The following NUDT1 variants were observed in gnomAD, a reference collection of about 807,000 sequenced individuals.
The protein encoded by NUDT1 is nudix hydrolase 1.
Under a neutral mutation model 11.3 loss-of-function variants are expected in NUDT1, and 16 were observed. The ratio of observed to expected loss-of-function variants is 1.41; its 90% CI spans 0.96 to 2.15. The LOEUF is 2.15. Among genes scored for constraint, NUDT1 ranks in the 30% most tolerant of loss-of-function variants. The probability of loss-of-function intolerance (pLI) is 0.00; values close to 1 mark genes in which losing one functional copy is unlikely to be tolerated. For synonymous variants in NUDT1, 101 were observed against 84.4 expected (o/e 1.20, Z -1.08); for missense variants, 234 against 208.4 (o/e 1.12, Z -0.76).
intron 2 of NUDT1, among the ~76,000 whole-genome samples, chr7:2,247,763 C>T (rs1794827956): frequency 6.6e-6 from 1 of 152,244 alleles, no homozygotes; most frequent in African/African-American, 2.4e-5. Flanking sequence ...CCGGCGGATT[C>T]TTGATGCTTC....
At chr7:2,247,412 G>C (rs1477176553) in intron 2 of NUDT1, among the ~76,000 whole-genome samples, 1 of 152,190 alleles carries the variant, frequency 6.6e-6, no homozygotes, top group African/African-American at 2.4e-5. Context: ...CAGGCACGTA[G>C]GGAGTACTGA....
At chr7:2,244,466 C>T in intron 1 of NUDT1, 97 bp from the exon 2 acceptor site, 1 of 1,000,638 alleles carries the variant, frequency 1.0e-6, no homozygotes, top group Non-Finnish European at 1.4e-6. Context: ...CCCCGCCCCC[C>T]ACTGCCTCCC....
rs756492763 is a variant in NUDT1, at chr7:2,249,990, G to A, written c.286G>A (p.Val96Met). ...CACAGACAGCATCCAGGGGACCCCC[G>A]TGGAGAGCGACGGTGAGTCTCACAG... ...FCTDSIQGTP[V>M]ESDEMRPCWF... Residue 96 changes from valine (V) to methionine (M), a missense_variant, in exon 3 of 4, where the codon GTG becomes ATG. Transcript: ENST00000356714. 35 of 1,613,988 alleles carry A rather than the reference G, an allele frequency of 2.2e-5. No individual in the cohort carries two copies. In the Middle Eastern group the frequency reaches 4.9e-4, roughly 23 times the overall value.
intron 3 of NUDT1, among the ~76,000 whole-genome samples, chr7:2,250,421 G>A (rs910739432): frequency 6.6e-6 from 1 of 151,108 alleles, no homozygotes; most frequent in East Asian, 1.9e-4. Flanking sequence ...GCAACACAGT[G>A]AGACCCCATC....
intron 2 of NUDT1, among the ~76,000 whole-genome samples, chr7:2,249,057 G>A (rs960922032): frequency 5.3e-5 from 8 of 152,198 alleles, no homozygotes; most frequent in East Asian, 1.9e-4. Context: ...AGACTACTTC[G>A]GGGAAACCTG....
intron 3 of NUDT1, 131 bp downstream of exon 3, chr7:2,250,133 G>T: frequency 8.4e-7 from 1 of 1,183,516 alleles, no homozygotes; most frequent in Non-Finnish European, 1.2e-6. Flanking sequence ...CCACCCCACA[G>T]TGCCAGCGTG....
At chr7:2,248,689 C>T (rs1476795678) in intron 2 of NUDT1, among the ~76,000 whole-genome samples, 1 of 151,772 alleles carries the variant, frequency 6.6e-6, no homozygotes, top group Non-Finnish European at 1.5e-5. Flanking sequence ...GGAGCTGGGA[C>T]TACAGGCGAG....
intron 1 of NUDT1, chr7:2,243,131 G>T: frequency 1.6e-6 from 1 of 643,366 alleles, no homozygotes; most frequent in South Asian, 1.7e-5. Flanking sequence ...TCCATCAGTT[G>T]ATGGCCTGCT....
chr7:2,243,515 G>A (rs1794638713), intron 1 of NUDT1, among the ~76,000 whole-genome samples: 2 of 152,152 alleles, frequency 1.3e-5, no homozygotes, highest in South Asian at 4.1e-4. Context: ...GCTCACGCCT[G>A]TAATCTCAGC....
chr7:2,249,947 G>A lies in NUDT1; in HGVS notation c.243G>A (p.Met81Ile). 6.2e-7 allele frequency: 1 copy of A among 1,614,194 alleles called. No homozygotes were observed. Reference sequence around the variant, plus strand: ...AGTTCGTGGGCGAGCCTGAGCTCATGGACGTGCATGTCTTCTGCACAGACA... The same window carrying A: ...AGTTCGTGGGCGAGCCTGAGCTCATAGACGTGCATGTCTTCTGCACAGACA... ...VFEFVGEPEL[M>I]DVHVFCTDSI... is the part of the protein sequence containing the mutation. The change falls in exon 3 of 4, where the codon ATG (methionine) becomes ATA (isoleucine). Residue 81 changes from methionine (M) to isoleucine (I), a missense_variant. Transcript: ENST00000356714.
intron 1 of NUDT1, chr7:2,242,468 G>C (rs973017644): frequency 4.1e-6 from 2 of 491,480 alleles, no homozygotes; most frequent in African/African-American, 2.0e-5. Flanking sequence ...GGAGAGCGGG[G>C]CGGAGGCTTG....
At chr7:2,250,042 G>T in intron 3 of NUDT1, 40 bp downstream of exon 3, 1 of 1,607,152 alleles carries the variant, frequency 6.2e-7, no homozygotes, top group Non-Finnish European at 8.5e-7. Flanking sequence ...CCACTATGCG[G>T]GTCCCATCTC....
chr7:2,250,976 C>T lies in NUDT1; in HGVS notation c.446C>T (p.Thr149Ile). 1 of 1,613,974 alleles carries T rather than the reference C, an allele frequency of 6.2e-7. No individual in the cohort carries two copies. The highest frequency in any genetic ancestry group is 8.5e-7 in the Non-Finnish European group (1 of 1,179,942). Reference protein sequence around the residue: ...FQGQDTILDYTLREVDTV With the variant: ...FQGQDTILDYILREVDTV Reference sequence around the variant, plus strand: ...GGTCAGGACACCATCCTGGACTACACACTCCGCGAGGTGGACACGGTCTAG... The same window carrying T: ...GGTCAGGACACCATCCTGGACTACATACTCCGCGAGGTGGACACGGTCTAG... Residue 149 changes from threonine (T) to isoleucine (I), a missense_variant, in exon 4 of 4, where the codon ACA (threonine) becomes ATA (isoleucine). Coordinates refer to ENST00000356714, the MANE Select transcript of NUDT1 (RefSeq NM_002452.4).
intron 2 of NUDT1, among the ~76,000 whole-genome samples, chr7:2,246,966 TCTG>T (rs1794791227): frequency 1.3e-5 from 2 of 152,088 alleles, no homozygotes; most frequent in Non-Finnish European, 2.9e-5. Flanking sequence ...TTGGGGAGCA[TCTG>T]CAAGCATGAG....
chr7:2,243,306 A>G (rs900979668), intron 1 of NUDT1, among the ~76,000 whole-genome samples: 4 of 152,210 alleles, frequency 2.6e-5, no homozygotes, highest in Non-Finnish European at 2.9e-5. Context: ...GTCCTCACCC[A>G]GGTCCCTGGG....
intron 2 of NUDT1, among the ~76,000 whole-genome samples, chr7:2,246,921 C>A (rs943569580): frequency 6.6e-6 from 1 of 152,114 alleles, no homozygotes; most frequent in African/African-American, 2.4e-5. Context: ...CCAGCCGAGA[C>A]CCTGTCTTAA....
At chr7:2,247,073 G>A (rs1323799867) in intron 2 of NUDT1, among the ~76,000 whole-genome samples, 3 of 152,176 alleles carry the variant, frequency 2.0e-5, no homozygotes, top group Non-Finnish European at 1.5e-5. Context: ...AGGGGATGAC[G>A]TACCATCAGC....
intron 2 of NUDT1, 70 bp downstream of exon 2, chr7:2,244,796 CA>C: frequency 3.9e-6 from 6 of 1,544,648 alleles, no homozygotes; most frequent in Non-Finnish European, 5.2e-6. Flanking sequence ...TGTAGGGCCA[CA>C]CCCTTGGTTT....
chr7:2,243,618 C>T (rs1794645429), intron 1 of NUDT1, among the ~76,000 whole-genome samples: 1 of 152,148 alleles, frequency 6.6e-6, no homozygotes, highest in Non-Finnish European at 1.5e-5. Flanking sequence ...ACTAAAAATA[C>T]AGAAATTAGC....
Sources: allele counts gnomAD v4.1 joint callset (sites outside exome capture counted in the v4.1 genomes callset), GRCh38; gene constraint gnomAD v4.1.1; transcripts MANE v1.5; gene names NCBI Gene and HGNC (gene_info 2026-07-23, HGNC 2026-07-21).